The following APPBP2 variants were observed in gnomAD, a reference collection of about 807,000 sequenced individuals.
The protein encoded by APPBP2 is amyloid protein-binding protein 2.
A neutral mutation model predicts 76.0 loss-of-function variants in APPBP2; 15 were observed. The observed-to-expected ratio is 0.20, with a 90% CI of 0.13 to 0.30. APPBP2 has a LOEUF of 0.30. APPBP2 is among the 10% of genes least tolerant of loss of function. APPBP2 has a pLI of 1.00. For missense variants in APPBP2, 401 were observed against 687.2 expected (o/e 0.58, Z 4.66); for synonymous variants, 222 against 242.2 (o/e 0.92, Z 0.77).
At chr17:60,478,180 A>C (rs1220530069) in intron 4 of APPBP2, among the ~76,000 whole-genome samples, 2 of 152,132 alleles carry the variant, frequency 1.3e-5, no homozygotes, top group African/African-American at 4.8e-5. Context: ...TACGATAAAG[A>C]ATTTCTGCTG....
intron 3 of APPBP2, among the ~76,000 whole-genome samples, chr17:60,480,329 C>T (rs1307071567): frequency 6.6e-6 from 1 of 152,050 alleles, no homozygotes; most frequent in Non-Finnish European, 1.5e-5. Context: ...GCGGAGATCA[C>T]ACCACTGCCC....
At chr17:60,498,212 T>A (rs1221259502) in intron 2 of APPBP2, among the ~76,000 whole-genome samples, 1 of 151,822 alleles carries the variant, frequency 6.6e-6, no homozygotes, top group Admixed American at 6.6e-5. Context: ...AACGGGAAGA[T>A]GAATTCAATC....
chr17:60,479,428 A>G (rs537590908), intron 3 of APPBP2, among the ~76,000 whole-genome samples, 157 bp from the exon 4 acceptor site: 3 of 152,364 alleles, frequency 2.0e-5, no homozygotes, highest in Admixed American at 6.5e-5. Flanking sequence ...TGAGATTTTT[A>G]TATAAAGGTT....
chr17:60,488,068 G>C (rs1358450238), intron 3 of APPBP2, among the ~76,000 whole-genome samples: 1 of 152,198 alleles, frequency 6.6e-6, no homozygotes, highest in East Asian at 1.9e-4. Context: ...AAATATTGCT[G>C]CCTGATCCTT....
At chr17:60,489,938 G>A (rs2090713063) in intron 3 of APPBP2, among the ~76,000 whole-genome samples, 1 of 152,122 alleles carries the variant, frequency 6.6e-6, no homozygotes. Context: ...GGGAGGCTGA[G>A]GAAGGAGAAT....
chr17:60,502,396 T>C (rs1298372398), intron 1 of APPBP2, among the ~76,000 whole-genome samples: 3 of 152,184 alleles, frequency 2.0e-5, no homozygotes, highest in Non-Finnish European at 4.4e-5. Flanking sequence ...CACATTCTTA[T>C]AACATGGGCT....
intron 4 of APPBP2, among the ~76,000 whole-genome samples, chr17:60,475,074 A>G (rs1345045271): frequency 1.3e-5 from 2 of 151,832 alleles, no homozygotes; most frequent in Admixed American, 6.6e-5. Context: ...CTAAAAATAC[A>G]AAAAAATTAG....
At chr17:60,485,737 G>T (rs2143402053) in intron 3 of APPBP2, among the ~76,000 whole-genome samples, 1 of 152,174 alleles carries the variant, frequency 6.6e-6, no homozygotes, top group South Asian at 2.1e-4. Flanking sequence ...CTTGCCTTCT[G>T]CTAGCTTTCG....
intron 1 of APPBP2, among the ~76,000 whole-genome samples, chr17:60,525,017 G>C (rs1420051376): frequency 6.6e-6 from 1 of 152,222 alleles, no homozygotes; most frequent in African/African-American, 2.4e-5. Context: ...TCCTTGGAGA[G>C]TGGCTTGGGA....
chr17:60,455,620 G>A lies in APPBP2; in HGVS notation c.1147+676C>T, dbSNP rs75117699. 2.7e-3 allele frequency among the ~76,000 whole-genome samples: 407 copies of A among 152,256 alleles called. 10 individuals carry two copies. The East Asian group carries it at 0.062, about 23-fold the overall frequency. ...CGGGGTAACCTGATACGAAGCTCAG[G>A]ATAAGAATCCTGCACTACAAAGCTG... On this transcript the variant is annotated intron_variant, in intron 10 of 12. Transcript: ENST00000083182.
intron 9 of APPBP2, 112 bp downstream of exon 9, chr17:60,460,551 A>G: frequency 9.2e-7 from 1 of 1,082,936 alleles, no homozygotes. Context: ...AGTTCAATCC[A>G]TAAAGTATAT....
At chr17:60,503,384 C>A (rs1270689812) in intron 1 of APPBP2, among the ~76,000 whole-genome samples, 2 of 145,048 alleles carry the variant, frequency 1.4e-5, no homozygotes, top group Non-Finnish European at 2.9e-5. Flanking sequence ...CTAAAAAATG[C>A]AAAGTAATTT....
At chr17:60,511,390 T>A (rs1238992883) in intron 1 of APPBP2, among the ~76,000 whole-genome samples, 1 of 151,960 alleles carries the variant, frequency 6.6e-6, no homozygotes, top group Non-Finnish European at 1.5e-5. Flanking sequence ...ATCGAGACCA[T>A]CCTGGCCAAC....
At chr17:60,464,161 C>T (rs1342992888) in intron 5 of APPBP2, 51 bp from the exon 6 acceptor site, 5 of 1,441,298 alleles carry the variant, frequency 3.5e-6, no homozygotes, top group Non-Finnish European at 4.8e-6. Flanking sequence ...ATCAAGTTGA[C>T]AATATTTAAC....
At chr17:60,524,277 T>C (rs908861664) in intron 1 of APPBP2, among the ~76,000 whole-genome samples, 1 of 152,160 alleles carries the variant, frequency 6.6e-6, no homozygotes, top group African/African-American at 2.4e-5. Context: ...AGAGATTACA[T>C]ATGAGGTACA....
chr17:60,525,715 C>CG, intron 1 of APPBP2, 79 bp downstream of exon 1: 1 of 1,593,834 alleles, frequency 6.3e-7, no homozygotes, highest in African/African-American at 1.3e-5. Flanking sequence ...GGGTTAACTG[C>CG]GGGGGTTCGC....
intron 3 of APPBP2, 129 bp from the exon 4 acceptor site, chr17:60,479,400 C>G: frequency 1.0e-6 from 1 of 969,394 alleles, no homozygotes; most frequent in Non-Finnish European, 1.5e-6. Context: ...GTTTAGCATA[C>G]AACACAGGTA....
intron 1 of APPBP2, among the ~76,000 whole-genome samples, chr17:60,514,591 T>A (rs1362899724): frequency 1.3e-5 from 2 of 152,262 alleles, no homozygotes; most frequent in African/African-American, 4.8e-5. Context: ...TGATATTCCA[T>A]TCCTGATTAG....
intron 2 of APPBP2, chr17:60,496,333 T>A (rs576791451): frequency 6.6e-6 from 1 of 152,220 alleles, no homozygotes; most frequent in Non-Finnish European, 1.5e-5. Context: ...TAAACAAAAT[T>A]GTAAGAGTCA....
Sources: allele counts gnomAD v4.1 joint callset (sites outside exome capture counted in the v4.1 genomes callset), GRCh38; gene constraint gnomAD v4.1.1; transcripts MANE v1.5; gene names NCBI Gene and HGNC (gene_info 2026-07-23, HGNC 2026-07-21).